Variants in AP2B1 observed in about 807,000 individuals in gnomAD.
AP2B1 encodes AP-2 complex subunit beta.
AP2B1 carries 23 observed loss-of-function variants against 102.0 expected under a neutral mutation model. The observed-to-expected ratio is 0.23, with a 90% CI of 0.16 to 0.32. The LOEUF (loss-of-function observed/expected upper bound fraction) is 0.32. Among genes scored for constraint, AP2B1 ranks in the 10% least tolerant of loss-of-function variants. The pLI, the probability that AP2B1 is intolerant of heterozygous loss-of-function variation, is 1.00. For missense variants in AP2B1, 541 were observed against 1,157.4 expected (o/e 0.47, Z 7.73); for synonymous variants, 381 against 421.2 (o/e 0.90, Z 1.17).
chr17:35,689,224 G>T (rs1187768885), intron 18 of AP2B1, among the ~76,000 whole-genome samples: 2 of 152,186 alleles, frequency 1.3e-5, no homozygotes, highest in Non-Finnish European at 2.9e-5. Flanking sequence ...GTGCCGCCCA[G>T]GCTGGAGTGC....
At chr17:35,622,014 A>G (rs2074192840) in intron 5 of AP2B1, among the ~76,000 whole-genome samples, 1 of 152,192 alleles carries the variant, frequency 6.6e-6, no homozygotes, top group Non-Finnish European at 1.5e-5. Flanking sequence ...TTTAGACTAT[A>G]ATAAGGTCAA....
intron 9 of AP2B1, among the ~76,000 whole-genome samples, chr17:35,634,760 G>A (rs1170275022): frequency 6.6e-6 from 1 of 152,138 alleles, no homozygotes; most frequent in African/African-American, 2.4e-5. Flanking sequence ...GGAAGTTGTA[G>A]ACCCACTCAC....
chr17:35,662,328 A>G (rs535415851), intron 14 of AP2B1, among the ~76,000 whole-genome samples: 2 of 152,216 alleles, frequency 1.3e-5, no homozygotes, highest in African/African-American at 4.8e-5. Context: ...CTCTACAGGT[A>G]GTTTATTCCA....
chr17:35,594,857 A>G (rs1010486964), intron 2 of AP2B1, among the ~76,000 whole-genome samples: 1 of 152,226 alleles, frequency 6.6e-6, no homozygotes, highest in Non-Finnish European at 1.5e-5. Flanking sequence ...CCAACCCTTC[A>G]TCTTTTGTAA....
At chr17:35,627,339 C>T in intron 7 of AP2B1, 46 bp from the exon 8 acceptor site, 1 of 1,376,494 alleles carries the variant, frequency 7.3e-7, no homozygotes, top group Non-Finnish European at 9.6e-7. Context: ...AAGGGTATAT[C>T]AGTATATGCC....
At chr17:35,594,124 T>C in intron 2 of AP2B1, 57 bp downstream of exon 2, 1 of 1,274,034 alleles carries the variant, frequency 7.8e-7, no homozygotes, top group East Asian at 2.5e-5. Context: ...TAGTGTAAGA[T>C]TGCCCCAGGC....
intron 6 of AP2B1, 27 bp from the exon 7 acceptor site, chr17:35,626,594 A>G: frequency 6.6e-7 from 1 of 1,512,316 alleles, no homozygotes. Context: ...ATAATTCATG[A>G]TATTAATTTT....
At chr17:35,624,915 A>G (rs762867985) in intron 6 of AP2B1, among the ~76,000 whole-genome samples, 4 of 152,148 alleles carry the variant, frequency 2.6e-5, no homozygotes, top group African/African-American at 4.8e-5. Context: ...TTTTCATTCT[A>G]TTAGATATAT....
At chr17:35,711,914 G>A (rs192938411) in intron 20 of AP2B1, among the ~76,000 whole-genome samples, 1 of 152,028 alleles carries the variant, frequency 6.6e-6, no homozygotes, top group African/African-American at 2.4e-5. Flanking sequence ...GCTCCTATAG[G>A]CCCTCTCTGA....
Position 35,714,703 on chromosome 17 carries a change from C to G in AP2B1, c.2627-2492C>G, listed in dbSNP as rs144673395. Among the ~76,000 whole-genome samples, 70 of 152,190 alleles carry G rather than the reference C, an allele frequency of 4.6e-4. No individual in the cohort carries two copies. In the Middle Eastern group the frequency reaches 0.024, roughly 52 times the overall value. ...CCAGTCTGGGCAACAAAGAAAGACT[C>G]TGTCGAGAGAGAGAGAGAAAGCAAG... On this transcript the variant is annotated intron_variant, in intron 20 of 21. Coordinates refer to ENST00000610402, the MANE Select transcript of AP2B1 (RefSeq NM_001030006.2).
chr17:35,628,720 C>T (rs1178297254), intron 9 of AP2B1, among the ~76,000 whole-genome samples: 1 of 152,178 alleles, frequency 6.6e-6, no homozygotes, highest in African/African-American at 2.4e-5. Context: ...ACTTCATACA[C>T]CCACCATTCC....
intron 14 of AP2B1, among the ~76,000 whole-genome samples, chr17:35,670,338 C>T (rs2075560273): frequency 1.3e-5 from 2 of 152,162 alleles, no homozygotes; most frequent in African/African-American, 2.4e-5. Flanking sequence ...GAAGTTGCAG[C>T]TCAATACTAG....
intron 12 of AP2B1, 96 bp from the exon 13 acceptor site, chr17:35,650,434 A>G (rs1376556974): frequency 1.4e-6 from 2 of 1,440,138 alleles, no homozygotes; most frequent in East Asian, 4.6e-5. Context: ...GTCTGCATAA[A>G]TCACTACAAC....
chr17:35,634,097 A>G (rs1480660659), intron 9 of AP2B1, among the ~76,000 whole-genome samples: 1 of 152,244 alleles, frequency 6.6e-6, no homozygotes, highest in Non-Finnish European at 1.5e-5. Context: ...CAGTGAGCCA[A>G]GATCATGCCA....
In AP2B1 at chr17:35,723,973, A is replaced by G. The variant is rs1219823872; in HGVS notation, c.*274A>G. 3 of 362,586 alleles carry G rather than the reference A, an allele frequency of 8.3e-6. No individual in the cohort carries two copies. Among genetic ancestry groups the G allele is most frequent in the Non-Finnish European group, 1.5e-5 (3 of 199,302 alleles). 22.5% of individuals were successfully genotyped at this position (362,586 alleles called of 1,614,324 possible). A position where few individuals can be genotyped will look rare whatever the true frequency, so the allele number is the denominator to read the frequency against. On this transcript the variant is annotated 3_prime_UTR_variant, in exon 22 of 22. Coordinates refer to ENST00000610402, the MANE Select transcript of AP2B1 (RefSeq NM_001030006.2). ...TTGTGGGCTTCTCCATGCTGTGCCA[A>G]TGGCTGGCTTTTTCTACACCCTCTT...
At chr17:35,616,414 C>T (rs1303095473) in intron 5 of AP2B1, among the ~76,000 whole-genome samples, 4 of 151,948 alleles carry the variant, frequency 2.6e-5, no homozygotes, top group East Asian at 1.9e-4. Context: ...GTGATCCGCC[C>T]GCCTCGGCCT....
chr17:35,722,221 G>T (rs1555593406), intron 21 of AP2B1, among the ~76,000 whole-genome samples: 1 of 152,190 alleles, frequency 6.6e-6, no homozygotes, highest in Non-Finnish European at 1.5e-5. Flanking sequence ...TCCAGCCTGG[G>T]TGACAGAGCA....
intron 14 of AP2B1, among the ~76,000 whole-genome samples, chr17:35,665,228 G>A (rs1218095183): frequency 6.9e-6 from 1 of 145,680 alleles, no homozygotes; most frequent in African/African-American, 2.6e-5. Flanking sequence ...CCTGGGCCCA[G>A]GTGATCCTCC....
chr17:35,675,618 GCCTTTTTTTTTTT>G (rs1200484887), intron 17 of AP2B1, among the ~76,000 whole-genome samples: 2 of 149,616 alleles, frequency 1.3e-5, no homozygotes, highest in African/African-American at 4.9e-5. Flanking sequence ...TTCATCTCTA[GCCTTTTTTTTTTT>G]CCTTTTTTTT....
Sources: allele counts gnomAD v4.1 joint callset (sites outside exome capture counted in the v4.1 genomes callset), GRCh38; gene constraint gnomAD v4.1.1; transcripts MANE v1.5; gene names NCBI Gene and HGNC (gene_info 2026-07-23, HGNC 2026-07-21).